The following EEA1 variants were observed in gnomAD, a reference collection of about 807,000 sequenced individuals.
EEA1 encodes the protein early endosome antigen 1, also known as early endosome antigen 1, 162kD.
Under a neutral mutation model 209.2 loss-of-function variants are expected in EEA1, and 111 were observed. That is an observed-to-expected ratio of 0.53 (90% CI 0.45 to 0.62). The LOEUF is 0.62. Ranked by LOEUF, EEA1 falls within the 20% of genes least tolerant of loss-of-function variation. The pLI, the probability that EEA1 is intolerant of heterozygous loss-of-function variation, is 0.00. For missense variants in EEA1, 1,343 were observed against 1,530.8 expected, an observed-to-expected ratio of 0.88 and a Z score of 2.05; for synonymous variants, 536 against 540.6, an observed-to-expected ratio of 0.99 and a Z score of 0.12.
At chr12:92,784,948 C>G (rs1281715274) in intron 22 of EEA1, among the ~76,000 whole-genome samples, 1 of 151,264 alleles carries the variant, frequency 6.6e-6, no homozygotes, top group Non-Finnish European at 1.5e-5. Flanking sequence ...ATTATAGCAC[C>G]CCAGTAAACA....
intron 22 of EEA1, 125 bp from the exon 23 acceptor site, chr12:92,782,260 G>A: frequency 1.8e-6 from 1 of 541,000 alleles, no homozygotes. Flanking sequence ...ATACCCTTCA[G>A]TAAGACAGGT....
intron 9 of EEA1, 92 bp downstream of exon 9, chr12:92,851,019 C>T: frequency 8.4e-7 from 1 of 1,193,068 alleles, no homozygotes; most frequent in East Asian, 2.5e-5. Flanking sequence ...TTTGATAGGC[C>T]ACTCAGAAAA....
Position 92,772,548 on chromosome 12 carries a change from T to C in EEA1, c.*3463A>G, listed in dbSNP as rs953337141. On this transcript the variant is annotated 3_prime_UTR_variant, in exon 29 of 29. Transcript: ENST00000322349. The stretch of plus-strand genomic sequence containing the variant: ...ATGTTTTTAATATAATATTTAAACA[T>C]ATTAAAAAAAAGCAACAATTCAATA... The C allele has an allele frequency of 6.6e-6, 1 of 152,134 alleles. No homozygotes were observed. Among genetic ancestry groups the C allele is most frequent in the Non-Finnish European group, 1.5e-5 (1 of 67,796 alleles). 9.4% of individuals were successfully genotyped at this position (152,134 alleles called of 1,614,324 possible).
rs1592783461 is a variant in EEA1, at chr12:92,925,775, G to C, written c.24+3268C>G. ...GTAAGCTAATGAAAAAGGAGGAGCAGGAGGAGGGACAAAAGCAGGAGAACC... is the reference window on the plus strand; with the variant it reads ...GTAAGCTAATGAAAAAGGAGGAGCACGAGGAGGGACAAAAGCAGGAGAACC... On this transcript the variant is annotated intron_variant, in intron 1 of 28. Transcript: ENST00000322349. 2.6e-5 allele frequency among the ~76,000 whole-genome samples: 4 copies of C among 152,270 alleles called. No individual in the cohort carries two copies. The South Asian group carries it at 6.2e-4, about 24-fold the overall frequency.
chr12:92,927,563 C>T (rs1229391515), intron 1 of EEA1, among the ~76,000 whole-genome samples: 1 of 152,210 alleles, frequency 6.6e-6, no homozygotes, highest in Non-Finnish European at 1.5e-5. Context: ...CTGAGCTACC[C>T]TTAAACCAGT....
chr12:92,921,866 CAAAAAAAAA>C (rs756583756), intron 1 of EEA1, among the ~76,000 whole-genome samples: 12 of 83,450 alleles, frequency 1.4e-4, no homozygotes, highest in Admixed American at 6.0e-4. Flanking sequence ...GACTCTGTCT[CAAAAAAAAA>C]AAAAAAAAAA....
chr12:92,883,650 T>C, intron 2 of EEA1: 1 of 609,584 alleles, frequency 1.6e-6, no homozygotes, highest in Non-Finnish European at 2.9e-6. Context: ...TTCTTAATAA[T>C]ATTTTCTTTT....
chr12:92,925,709 T>G (rs1565866497), intron 1 of EEA1, among the ~76,000 whole-genome samples: 1 of 152,328 alleles, frequency 6.6e-6, no homozygotes, highest in East Asian at 1.9e-4. Context: ...TTTTTTTGTT[T>G]TTGTTTTCCA....
chr12:92,843,940 C>T lies in EEA1; in HGVS notation c.799-1359G>A, dbSNP rs142641768. 7.1e-3 allele frequency among the ~76,000 whole-genome samples: 1,086 copies of T among 151,970 alleles called. 7 individuals carry two copies. Among genetic ancestry groups the T allele is most frequent in the Non-Finnish European group, 7.4e-3 (503 of 67,938 alleles). On this transcript the variant is annotated intron_variant, in intron 9 of 28. Transcript: ENST00000322349. ...CATTGGCTGATCTTCTTTTGGAAAC[C>T]CTTCCAGAGTGTGTGGAACTTATTT...
intron 1 of EEA1, among the ~76,000 whole-genome samples, chr12:92,921,027 T>C (rs1434798126): frequency 1.3e-5 from 2 of 151,784 alleles, no homozygotes; most frequent in Non-Finnish European, 2.9e-5. Context: ...ATCAGAGAAA[T>C]GCAAATCAAA....
chr12:92,905,877 G>A (rs1880365256), intron 1 of EEA1, among the ~76,000 whole-genome samples: 1 of 151,434 alleles, frequency 6.6e-6, no homozygotes, highest in Non-Finnish European at 1.5e-5. Flanking sequence ...TTGCAGACTA[G>A]TTGTTTACTG....
rs183490683 is a variant in EEA1 at position 92,876,526 on chromosome 12, C to T, written c.118-11539G>A. Among the ~76,000 whole-genome samples the T allele has an allele frequency of 5.0e-4, 76 of 152,186 alleles. No individual in the cohort carries two copies. In the Middle Eastern group the frequency reaches 0.01, roughly 20 times the overall value. Reference sequence around the variant, plus strand: ...CAGGGATAAGACCCTATCTATGAACCGGGAAATGGGCCCTCATCAGACATC... The same window carrying T: ...CAGGGATAAGACCCTATCTATGAACTGGGAAATGGGCCCTCATCAGACATC... On this transcript the variant is annotated intron_variant, in intron 2 of 28. Coordinates refer to ENST00000322349, the MANE Select transcript of EEA1 (RefSeq NM_003566.4).
intron 13 of EEA1, among the ~76,000 whole-genome samples, chr12:92,825,925 A>G (rs1296827415): frequency 6.7e-6 from 1 of 150,356 alleles, no homozygotes; most frequent in African/African-American, 2.4e-5. Context: ...TTAGTTTATA[A>G]TAAATATTTT....
At chr12:92,898,645 C>CA (rs1880001668) in intron 1 of EEA1, among the ~76,000 whole-genome samples, 1 of 136,842 alleles carries the variant, frequency 7.3e-6, no homozygotes, top group Non-Finnish European at 1.5e-5. Context: ...GCCTGGGTGA[C>CA]AGAGCGAGAC....
At chr12:92,883,484 G>C (rs182770227) in intron 2 of EEA1, among the ~76,000 whole-genome samples, 2 of 152,034 alleles carry the variant, frequency 1.3e-5, no homozygotes, top group Non-Finnish European at 2.9e-5. Context: ...ATTCTCTCCC[G>C]ACACTAATGT....
rs192099734 is a variant in EEA1, at chr12:92,886,924, G to A, written c.117+4705C>T. 3.0e-3 allele frequency among the ~76,000 whole-genome samples: 454 copies of A among 151,626 alleles called. 3 individuals are homozygous for A. Among genetic ancestry groups the A allele is most frequent in the Non-Finnish European group, 2.8e-3 (189 of 67,888 alleles). On this transcript the variant is annotated intron_variant, in intron 2 of 28. Coordinates refer to ENST00000322349, the MANE Select transcript of EEA1 (RefSeq NM_003566.4). The stretch of plus-strand genomic sequence containing the variant: ...GAGACAGGAGAATGGCATGAGCCTG[G>A]GAGGAGGAGTTTGCAGTGAGCCGAG...
chr12:92,789,624 C>T (rs528561246), intron 21 of EEA1, among the ~76,000 whole-genome samples: 9 of 152,274 alleles, frequency 5.9e-5, no homozygotes, highest in South Asian at 2.1e-4. Context: ...CCAGGAAGCT[C>T]GAACTGGGTG....
intron 10 of EEA1, among the ~76,000 whole-genome samples, chr12:92,833,605 A>T (rs1418606784): frequency 1.3e-5 from 2 of 152,210 alleles, no homozygotes; most frequent in Admixed American, 1.3e-4. Flanking sequence ...ATTTTAACTA[A>T]ATTCTGTAAG....
chr12:92,888,528 G>A (rs1330402116), intron 2 of EEA1, among the ~76,000 whole-genome samples: 1 of 150,958 alleles, frequency 6.6e-6, no homozygotes, highest in East Asian at 2.0e-4. Flanking sequence ...AGTGAGCCGA[G>A]ATCGCGCCAC....
Sources: gnomAD v4.1 joint callset for allele counts (sites outside exome capture counted in the v4.1 genomes callset) on GRCh38, gnomAD v4.1.1 for gene constraint, MANE v1.5 for transcripts, NCBI Gene and HGNC (gene_info 2026-07-23, HGNC 2026-07-21) for gene names.